JAKMIP2: variants seen among roughly 807,000 people sequenced by gnomAD.
JAKMIP2 encodes the protein janus kinase and microtubule interacting protein 2, also known as janus kinase and microtubule-interacting protein 2.
Under a neutral mutation model 115.0 loss-of-function variants are expected in JAKMIP2, and 25 were observed. The ratio of observed to expected loss-of-function variants is 0.22; its 90% CI spans 0.16 to 0.30. The LOEUF is 0.30. Ranked by LOEUF, JAKMIP2 falls within the 10% of genes least tolerant of loss-of-function variation. The pLI, the probability that JAKMIP2 is intolerant of heterozygous loss-of-function variation, is 1.00. For missense variants in JAKMIP2, 642 were observed against 957.6 expected, an observed-to-expected ratio of 0.67 and a Z score of 4.35; for synonymous variants, 334 against 343.6, an observed-to-expected ratio of 0.97 and a Z score of 0.31.
At chr5:147,699,317 A>T (rs1026510365) in intron 1 of JAKMIP2, among the ~76,000 whole-genome samples, 1 of 152,206 alleles carries the variant, frequency 6.6e-6, no homozygotes, top group Non-Finnish European at 1.5e-5. Context: ...AAATGTGTAC[A>T]ATTGTTAAAT....
chr5:147,653,299 T>C (rs557968995), intron 3 of JAKMIP2, among the ~76,000 whole-genome samples: 1 of 152,306 alleles, frequency 6.6e-6, no homozygotes, highest in Admixed American at 6.5e-5. Context: ...TCCTCAACAA[T>C]GGTTGGACCA....
At position 147,650,353 on chromosome 5, in the gene JAKMIP2, T is replaced by C. The variant is rs1361435527; in HGVS notation, c.822A>G (p.Glu274=). The stretch of plus-strand genomic sequence containing the variant: ...ATGGACTTACAGGACTGCTGCAGTG[T>C]TCGGAACCATCACCTGCCCTTCCTG... The part of the protein sequence containing the change: ...EIPGRAGDGS[E]HCSSPDLRRN... The change falls in exon 4 of 22, where the codon GAA becomes GAG. Residue 274 remains glutamate (E), a synonymous_variant. Transcript: ENST00000616793. 3 of 1,609,578 alleles carry C rather than the reference T, an allele frequency of 1.9e-6. No individual in the cohort carries two copies. The highest frequency in any genetic ancestry group is 8.5e-7 in the Non-Finnish European group (1 of 1,176,000).
At chr5:147,705,622 T>C (rs571012058) in intron 1 of JAKMIP2, among the ~76,000 whole-genome samples, 7 of 152,122 alleles carry the variant, frequency 4.6e-5, no homozygotes, top group South Asian at 4.1e-4. Context: ...CCATCATCTC[T>C]ACCTTGGGCG....
chr5:147,642,667 T>A (rs1433958527), intron 7 of JAKMIP2, among the ~76,000 whole-genome samples: 1 of 152,016 alleles, frequency 6.6e-6, no homozygotes, highest in African/African-American at 2.4e-5. Context: ...TCGGGCTTTT[T>A]TTTTTTCACC....
intron 7 of JAKMIP2, among the ~76,000 whole-genome samples, chr5:147,643,244 A>G (rs1757965834): frequency 6.6e-6 from 1 of 152,164 alleles, no homozygotes; most frequent in Non-Finnish European, 1.5e-5. Flanking sequence ...TAGAAATTTT[A>G]AAAAGGATGA....
intron 16 of JAKMIP2, among the ~76,000 whole-genome samples, chr5:147,624,228 G>A (rs1756993836): frequency 6.6e-6 from 1 of 152,188 alleles, no homozygotes; most frequent in Non-Finnish European, 1.5e-5. Context: ...TGACTAGCAA[G>A]TGTCAGGTGC....
intron 1 of JAKMIP2, among the ~76,000 whole-genome samples, chr5:147,747,865 C>A (rs1003649637): frequency 6.6e-6 from 1 of 152,166 alleles, no homozygotes; most frequent in Non-Finnish European, 1.5e-5. Flanking sequence ...AAGCTATCTA[C>A]TTTGTCTAGA....
intron 12 of JAKMIP2, among the ~76,000 whole-genome samples, chr5:147,633,003 T>C (rs557328660): frequency 8.5e-5 from 13 of 152,324 alleles, no homozygotes; most frequent in African/African-American, 2.9e-4. Flanking sequence ...GACATCTCTG[T>C]TCCTTGGAAT....
At chr5:147,671,527 A>G (rs1037336446) in intron 2 of JAKMIP2, 151 bp downstream of exon 2, 2 of 490,334 alleles carry the variant, frequency 4.1e-6, no homozygotes, top group African/African-American at 4.0e-5. Flanking sequence ...TGCCACATGC[A>G]ATAAGCTCTC....
intron 1 of JAKMIP2, among the ~76,000 whole-genome samples, chr5:147,676,003 C>T (rs188756534): frequency 7.4e-4 from 112 of 152,192 alleles, no homozygotes; most frequent in African/African-American, 2.6e-3. Context: ...CAGAAGCTGC[C>T]AGCCATCACA....
intron 7 of JAKMIP2, among the ~76,000 whole-genome samples, chr5:147,643,191 T>C (rs552083669): frequency 6.6e-6 from 1 of 152,254 alleles, no homozygotes; most frequent in East Asian, 1.9e-4. Context: ...ATATTTAAAT[T>C]ACCTTCCTAA....
In JAKMIP2 at chr5:147,629,788, C is replaced by T. The variant is rs370348015; in HGVS notation, c.1876-42G>A. On this transcript the variant is annotated intron_variant, in intron 14 of 21. Transcript: ENST00000616793. ...AAACTCATGTCAAAGACAAATGTGGCCTCCTATTCCATCAGTGCCTGAACA... is the reference window on the plus strand; with the variant it reads ...AAACTCATGTCAAAGACAAATGTGGTCTCCTATTCCATCAGTGCCTGAACA... The T allele has an allele frequency of 5.9e-6, 9 of 1,513,110 alleles. No individual in the cohort carries two copies. In the African/African-American group the frequency reaches 8.2e-5, roughly 14 times the overall value. The allele number at this position is 1,513,110 out of a possible 1,614,324, so 93.7% of individuals were successfully genotyped here. A position where few individuals can be genotyped will look rare whatever the true frequency, so the allele number is the denominator to read the frequency against.
At chr5:147,641,646 T>A in intron 8 of JAKMIP2, 62 bp downstream of exon 8, 2 of 1,188,942 alleles carry the variant, frequency 1.7e-6, no homozygotes, top group South Asian at 1.2e-5. Context: ...GAAGATTCCA[T>A]GCCAAGCCTC....
In JAKMIP2 at chr5:147,661,237, C is replaced by T. The variant is rs1313528001; in HGVS notation, c.338G>A (p.Arg113Lys). Residue 113 changes from arginine (R) to lysine (K), a missense_variant, in exon 3 of 22, where the codon AGG becomes AAG. Physicochemically the swap from Arg to Lys is conservative, Grantham distance 26. This residue lies in a region of JAKMIP2 where 439 missense variants were observed against 570.9 expected (regional missense o/e 0.77). Coordinates refer to ENST00000616793, the MANE Select transcript of JAKMIP2 (RefSeq NM_001270941.2). ...TVKVRDGEIQRLKSALCALRD... is the reference protein window; with the variant it reads ...TVKVRDGEIQKLKSALCALRD... ...GAGAGCACAGAGAGCAGACTTGAGC[C>T]TCTGGATCTCTCCATCACGTACCTT... 2.2e-5 allele frequency: 36 copies of T among 1,613,800 alleles called. No homozygotes were observed. Among genetic ancestry groups the T allele is most frequent in the Non-Finnish European group, 3.1e-5 (36 of 1,180,002 alleles).
intron 21 of JAKMIP2, among the ~76,000 whole-genome samples, chr5:147,598,462 T>TCTATCTATCTATCTATCTATCAC (rs1554123568): frequency 1.3e-5 from 2 of 148,302 alleles, no homozygotes; most frequent in South Asian, 2.2e-4. Flanking sequence ...CTATCTATCA[T>TCTATCTATCTATCTATCTATCAC]CTATCTATGT....
intron 20 of JAKMIP2, among the ~76,000 whole-genome samples, chr5:147,610,271 T>C (rs1420566412): frequency 6.6e-6 from 1 of 152,148 alleles, no homozygotes. Flanking sequence ...GGCATTCTGG[T>C]TTTTGGAATT....
At position 147,629,003 on chromosome 5, in the gene JAKMIP2, G is replaced by A. The variant is rs75036426; in HGVS notation, c.1930-187C>T. Among the ~76,000 whole-genome samples the A allele has an allele frequency of 1.3e-3, 201 of 152,232 alleles. No homozygotes were observed. The East Asian group carries it at 0.022, about 17-fold the overall frequency. On this transcript the variant is annotated intron_variant, in intron 15 of 21. Coordinates refer to ENST00000616793, the MANE Select transcript of JAKMIP2 (RefSeq NM_001270941.2). ...AAAACCCGGAAGAAGTATATTAAAC[G>A]TGATTTTTTAAATATCTCCTTAACA...
chr5:147,759,511 C>T (rs1278269528), intron 1 of JAKMIP2, among the ~76,000 whole-genome samples: 1 of 151,886 alleles, frequency 6.6e-6, no homozygotes, highest in Admixed American at 6.6e-5. Flanking sequence ...TAGTGGTGGA[C>T]AAGAAACAAA....
rs532021405 is a variant in JAKMIP2 at position 147,662,940 on chromosome 5, T to G, written c.130-1495A>C. 2.1e-4 allele frequency among the ~76,000 whole-genome samples: 32 copies of G among 151,522 alleles called. 1 individual carries two copies. Among genetic ancestry groups the G allele is most frequent in the African/African-American group, 7.5e-4 (31 of 41,242 alleles). ...GGCAGAGGTTGCAGTGAGCCAAGAT[T>G]GCACCATTGCACTCCAGCCTGGGAG... On this transcript the variant is annotated intron_variant, in intron 2 of 21. Coordinates refer to ENST00000616793, the MANE Select transcript of JAKMIP2 (RefSeq NM_001270941.2).
Sources: allele counts gnomAD v4.1 joint callset (sites outside exome capture counted in the v4.1 genomes callset), GRCh38; gene constraint gnomAD v4.1.1; regional missense constraint gnomAD v4.1.1; transcripts MANE v1.5; gene names NCBI Gene and HGNC (gene_info 2026-07-23, HGNC 2026-07-21).